The following SEMA3D variants were observed in gnomAD, a reference collection of about 807,000 sequenced individuals.
The protein encoded by SEMA3D is semaphorin-3D.
Under a neutral mutation model 100.1 loss-of-function variants are expected in SEMA3D, and 84 were observed. The ratio of observed to expected loss-of-function variants is 0.84; its 90% CI spans 0.70 to 1.01. The LOEUF (loss-of-function observed/expected upper bound fraction) is 1.01. Among genes scored for constraint, SEMA3D ranks in the 50% least tolerant of loss-of-function variants. The probability of loss-of-function intolerance (pLI) is 0.00; values close to 1 mark genes in which losing one functional copy is unlikely to be tolerated. For synonymous variants in SEMA3D, 312 were observed against 320.7 expected, an observed-to-expected ratio of 0.97 and a Z score of 0.29; for missense variants, 875 against 934.1, an observed-to-expected ratio of 0.94 and a Z score of 0.82.
chr7:85,181,014 A>C (rs981963126), intron 1 of SEMA3D, among the ~76,000 whole-genome samples: 1 of 152,194 alleles, frequency 6.6e-6, no homozygotes, highest in African/African-American at 2.4e-5. Flanking sequence ...TAGATTGAAG[A>C]TATGAGTTTG....
chr7:85,078,077 T>C (rs1345215454), intron 5 of SEMA3D, among the ~76,000 whole-genome samples: 1 of 152,192 alleles, frequency 6.6e-6, no homozygotes, highest in Non-Finnish European at 1.5e-5. Flanking sequence ...TTTAAGTGAC[T>C]ATGTATACAA....
chr7:85,147,098 T>TTTTTTC (rs1790235526), intron 2 of SEMA3D, among the ~76,000 whole-genome samples: 9 of 112,798 alleles, frequency 8.0e-5, no homozygotes, highest in Middle Eastern at 4.3e-3. Flanking sequence ...TTTTCTTTTT[T>TTTTTTC]TTTTTTTTTT....
the SEMA3D span, among the ~76,000 whole-genome samples, chr7:85,240,881 C>A: frequency 6.6e-6 from 1 of 151,930 alleles, no homozygotes; most frequent in Non-Finnish European, 1.5e-5. Context: ...ATCTTTCCAA[C>A]CCACAGAGTA....
intron 2 of SEMA3D, among the ~76,000 whole-genome samples, chr7:85,138,000 T>C (rs1789913900): frequency 6.6e-6 from 1 of 152,128 alleles, no homozygotes; most frequent in Admixed American, 6.6e-5. Context: ...TTTTCTTGCA[T>C]ATGGCCTGAA....
chr7:85,047,043 T>C (rs182093251), intron 9 of SEMA3D, among the ~76,000 whole-genome samples: 8 of 152,006 alleles, frequency 5.3e-5, no homozygotes, highest in Admixed American at 1.3e-4. Flanking sequence ...AGAAAGTATA[T>C]GTAAACAAGC....
intron 5 of SEMA3D, among the ~76,000 whole-genome samples, chr7:85,081,246 G>A (rs1788049820): frequency 6.6e-6 from 1 of 152,040 alleles, no homozygotes; most frequent in East Asian, 1.9e-4. Flanking sequence ...ATACTTTAAT[G>A]TGTTTCTAAT....
rs1031031068 is a variant in SEMA3D at position 85,141,104 on chromosome 7, T to C, written c.-41+12504A>G. ...CAGTTCACATTAAAAATTTCAGAGA[T>C]GTTTCAAAACTGTTTTTATAGGTGA... On this transcript the variant is annotated intron_variant, in intron 2 of 18. Coordinates refer to ENST00000284136, the MANE Select transcript of SEMA3D (RefSeq NM_001384900.1). The C allele has an allele frequency of 8.2e-6, 8 of 977,606 alleles. No homozygotes were observed. The African/African-American group carries it at 1.4e-4, about 17-fold the overall frequency. The allele number at this position is 977,606 out of a possible 1,614,324, so 60.6% of individuals were successfully genotyped here.
the SEMA3D span, among the ~76,000 whole-genome samples, chr7:85,225,684 C>A: frequency 1.3e-5 from 2 of 152,118 alleles, no homozygotes; most frequent in Non-Finnish European, 2.9e-5. Context: ...CTGTAACACA[C>A]GCCCACTGGG....
At position 85,025,319 on chromosome 7, in the gene SEMA3D, G is replaced by T. The variant is rs146282385; in HGVS notation, c.1192-2706C>A. Among the ~76,000 whole-genome samples, 469 of 152,022 alleles carry T rather than the reference G, an allele frequency of 3.1e-3. 1 individual carries two copies. Among genetic ancestry groups the T allele is most frequent in the Non-Finnish European group, 5.5e-3 (374 of 67,910 alleles). ...TTAATACCAGCACAAAAGAAGAAGA[G>T]AAAATAGAACCTGCCTAGACACACC... On this transcript the variant is annotated intron_variant, in intron 12 of 18. Coordinates refer to ENST00000284136, the MANE Select transcript of SEMA3D (RefSeq NM_001384900.1).
intron 18 of SEMA3D, among the ~76,000 whole-genome samples, chr7:85,000,882 A>G (rs1185182540): frequency 6.6e-6 from 1 of 152,152 alleles, no homozygotes; most frequent in Non-Finnish European, 1.5e-5. Context: ...TAAGTGGAAT[A>G]ACAACAACAA....
intron 2 of SEMA3D, among the ~76,000 whole-genome samples, chr7:85,136,109 A>T (rs1789860248): frequency 6.6e-6 from 1 of 152,132 alleles, no homozygotes; most frequent in Admixed American, 6.6e-5. Flanking sequence ...TGTAGAGATT[A>T]TTGCTATCTT....
intron 5 of SEMA3D, among the ~76,000 whole-genome samples, chr7:85,080,230 A>G (rs1016874978): frequency 6.6e-6 from 1 of 152,114 alleles, no homozygotes; most frequent in Non-Finnish European, 1.5e-5. Flanking sequence ...TGTATCCCCC[A>G]TTAGATTGAA....
chr7:85,121,484 C>A (rs1160511680), intron 3 of SEMA3D, among the ~76,000 whole-genome samples: 1 of 152,040 alleles, frequency 6.6e-6, no homozygotes, highest in Non-Finnish European at 1.5e-5. Flanking sequence ...TTTGTTTTAA[C>A]ACCAAACTGT....
At chr7:85,147,087 C>CTTTTTTTTTTTTTTT (rs1583966727) in intron 2 of SEMA3D, among the ~76,000 whole-genome samples, 1 of 55,760 alleles carries the variant, frequency 1.8e-5, no homozygotes, top group Non-Finnish European at 3.6e-5. Flanking sequence ...TTTTCTTTTT[C>CTTTTTTTTTTTTTTT]TTTTCTTTTT....
At chr7:85,211,126 C>T in the SEMA3D span, among the ~76,000 whole-genome samples, 6 of 152,048 alleles carry the variant, frequency 3.9e-5, no homozygotes, top group Admixed American at 1.3e-4. Flanking sequence ...ATTATCAATC[C>T]TCTTTAACCA....
At chr7:85,235,539 G>T in the SEMA3D span, among the ~76,000 whole-genome samples, 2 of 152,136 alleles carry the variant, frequency 1.3e-5, no homozygotes, top group Non-Finnish European at 2.9e-5. Flanking sequence ...GAGGATCTCT[G>T]TTCAAGGGAA....
At chr7:85,097,655 G>A in intron 4 of SEMA3D, 150 bp downstream of exon 4, 1 of 445,410 alleles carries the variant, frequency 2.2e-6, no homozygotes. Context: ...ATGTGTATCA[G>A]AGGCAATATA....
At chr7:85,227,483 C>T in the SEMA3D span, among the ~76,000 whole-genome samples, 3 of 152,080 alleles carry the variant, frequency 2.0e-5, no homozygotes, top group South Asian at 4.1e-4. Context: ...GAAACAGGCC[C>T]TCACTAGATG....
At chr7:85,042,485 A>G (rs1038217374) in intron 9 of SEMA3D, among the ~76,000 whole-genome samples, 200 bp from the exon 10 acceptor site, 2 of 152,110 alleles carry the variant, frequency 1.3e-5, no homozygotes, top group African/African-American at 4.8e-5. Flanking sequence ...TCATAGTTAA[A>G]TGAATTAAAT....
Sources: gnomAD v4.1 joint callset for allele counts (sites outside exome capture counted in the v4.1 genomes callset) on GRCh38, gnomAD v4.1.1 for gene constraint, MANE v1.5 for transcripts, NCBI Gene and HGNC (gene_info 2026-07-23, HGNC 2026-07-21) for gene names.